Variants in HCN1 observed in about 807,000 individuals in gnomAD.
HCN1 encodes the protein hyperpolarization activated cyclic nucleotide gated potassium channel 1, also known as potassium/sodium hyperpolarization-activated cyclic nucleotide-gated channel 1.
Under a neutral mutation model 78.9 loss-of-function variants are expected in HCN1, and 13 were observed. The observed-to-expected ratio is 0.16, with a 90% CI of 0.11 to 0.26. HCN1 has a LOEUF of 0.26. Ranked by LOEUF, HCN1 falls within the 10% of genes least tolerant of loss-of-function variation. The pLI is 1.00. For synonymous variants in HCN1, 552 were observed against 455.5 expected, an observed-to-expected ratio of 1.21 and a Z score of -2.70; for missense variants, 810 against 1,154.3, an observed-to-expected ratio of 0.70 and a Z score of 4.32.
At chr5:45,556,702 G>A (rs1162102465) in intron 2 of HCN1, among the ~76,000 whole-genome samples, 2 of 151,820 alleles carry the variant, frequency 1.3e-5, no homozygotes, top group Non-Finnish European at 2.9e-5. Context: ...TGCTTTCAAA[G>A]GTTCATTCTC....
At chr5:45,393,557 G>C (rs1265543700) in intron 4 of HCN1, among the ~76,000 whole-genome samples, 2 of 152,154 alleles carry the variant, frequency 1.3e-5, no homozygotes, top group African/African-American at 4.8e-5. Flanking sequence ...TTGGACATTA[G>C]TAACTTAAAA....
At chr5:45,413,888 G>T (rs1740069416) in intron 3 of HCN1, among the ~76,000 whole-genome samples, 1 of 151,630 alleles carries the variant, frequency 6.6e-6, no homozygotes, top group African/African-American at 2.4e-5. Context: ...CTTTTTTTAG[G>T]AAACTAAATG....
chr5:45,262,846 T>C, intron 7 of HCN1, 36 bp from the exon 8 acceptor site: 2 of 1,610,002 alleles, frequency 1.2e-6, no homozygotes, highest in Admixed American at 1.7e-5. Context: ...TTAGAAAGCC[T>C]ACCAATGACT....
rs372929458 is a variant in HCN1, at chr5:45,520,420, T to A, written c.850-58413A>T. On this transcript the variant is annotated intron_variant, in intron 2 of 7. Coordinates refer to ENST00000303230, the MANE Select transcript of HCN1 (RefSeq NM_021072.4). ...TAGTAATTGGTTTGTATTTAACTTA[T>A]GGACACTGATTTATGCAACTTGTCT... Among the ~76,000 whole-genome samples the A allele has an allele frequency of 7.9e-5, 12 of 152,148 alleles. No homozygotes were observed. The East Asian group carries it at 2.3e-3, about 29-fold the overall frequency.
chr5:45,303,867 TAA>T, intron 5 of HCN1, 28 bp from the exon 6 acceptor site: 2 of 1,589,104 alleles, frequency 1.3e-6, no homozygotes, highest in South Asian at 1.1e-5. Flanking sequence ...AAACAAATAT[TAA>T]GAGAGATATT....
At chr5:45,444,305 T>A (rs1740740429) in intron 3 of HCN1, among the ~76,000 whole-genome samples, 1 of 152,180 alleles carries the variant, frequency 6.6e-6, no homozygotes, top group Non-Finnish European at 1.5e-5. Flanking sequence ...TTTGAAAGCA[T>A]CATTTCAGAA....
rs1741956566 is a variant in HCN1, at chr5:45,493,848, G to C, written c.850-31841C>G. 2.0e-5 allele frequency among the ~76,000 whole-genome samples: 3 copies of C among 150,562 alleles called. No individual in the cohort carries two copies. In the South Asian group the frequency reaches 6.3e-4, roughly 32 times the overall value. On this transcript the variant is annotated intron_variant, in intron 2 of 7. Transcript: ENST00000303230. ...TCCCACCTATGAGTGAGAATATGCG[G>C]TGTTTGGTTTTTTGTTCTTGCGATA...
At chr5:45,626,995 A>G (rs894091802) in intron 2 of HCN1, among the ~76,000 whole-genome samples, 2 of 151,324 alleles carry the variant, frequency 1.3e-5, no homozygotes, top group African/African-American at 4.9e-5. Context: ...TATAACATGT[A>G]TATATATATA....
At chr5:45,368,488 A>G (rs1747279920) in intron 4 of HCN1, among the ~76,000 whole-genome samples, 1 of 152,050 alleles carries the variant, frequency 6.6e-6, no homozygotes, top group Non-Finnish European at 1.5e-5. Context: ...TTTCTCTTCT[A>G]TATCAACATT....
At chr5:45,377,737 T>A (rs1033918911) in intron 4 of HCN1, among the ~76,000 whole-genome samples, 1 of 152,018 alleles carries the variant, frequency 6.6e-6, no homozygotes, top group African/African-American at 2.4e-5. Flanking sequence ...AGAAGTCAGG[T>A]AGGTATGTGA....
rs1744729332 is a variant in HCN1, at chr5:45,261,127, A to C, written c.*794T>G. 1 of 152,688 alleles carries C rather than the reference A, an allele frequency of 6.5e-6. No homozygotes were observed. The highest frequency in any genetic ancestry group is 2.4e-5 in the African/African-American group (1 of 41,476). The allele number at this position is 152,688 out of a possible 1,614,324, so 9.5% of individuals were successfully genotyped here. ...AAAACTCTAAGTTTTGAAGTGAAGC[A>C]ATAAAACTAAATTCTTAAACAATGA... On this transcript the variant is annotated 3_prime_UTR_variant, in exon 8 of 8. Coordinates refer to ENST00000303230, the MANE Select transcript of HCN1 (RefSeq NM_021072.4).
At chr5:45,285,132 T>C (rs1368019222) in intron 6 of HCN1, among the ~76,000 whole-genome samples, 1 of 151,994 alleles carries the variant, frequency 6.6e-6, no homozygotes, top group East Asian at 1.9e-4. Flanking sequence ...ATAATTTTTT[T>C]CTTTAAAACA....
At chr5:45,584,786 T>C (rs1188917592) in intron 2 of HCN1, among the ~76,000 whole-genome samples, 1 of 152,218 alleles carries the variant, frequency 6.6e-6, no homozygotes, top group East Asian at 1.9e-4. Context: ...CCTTCACTTA[T>C]GAAGCTTAGT....
intron 2 of HCN1, among the ~76,000 whole-genome samples, chr5:45,500,218 C>T (rs1293406818): frequency 6.6e-6 from 1 of 151,986 alleles, no homozygotes; most frequent in African/African-American, 2.4e-5. Context: ...CTAGCTAAGA[C>T]AGGTAGCCTA....
chr5:45,637,499 T>C (rs1387478058), intron 2 of HCN1, among the ~76,000 whole-genome samples: 1 of 151,418 alleles, frequency 6.6e-6, no homozygotes, highest in African/African-American at 2.4e-5. Context: ...GAATCTAATA[T>C]GTAATTGTAA....
At chr5:45,645,134 TA>T (rs1745525070) in intron 2 of HCN1, 50 bp downstream of exon 2, 1 of 1,362,352 alleles carries the variant, frequency 7.3e-7, no homozygotes, top group African/African-American at 1.4e-5. Context: ...AAAACAGCCA[TA>T]ATTAACAATT....
chr5:45,486,801 A>C (rs921800364), intron 2 of HCN1, among the ~76,000 whole-genome samples: 4 of 152,100 alleles, frequency 2.6e-5, no homozygotes, highest in African/African-American at 9.7e-5. Context: ...GAATACACCT[A>C]AGTCTATGTA....
intron 2 of HCN1, among the ~76,000 whole-genome samples, chr5:45,549,933 C>A (rs932237082): frequency 2.6e-5 from 4 of 152,122 alleles, no homozygotes; most frequent in Non-Finnish European, 5.9e-5. Context: ...AAATGCAAAT[C>A]GAAACCACAG....
chr5:45,476,950 A>C, intron 2 of HCN1, among the ~76,000 whole-genome samples: 1 of 152,296 alleles, frequency 6.6e-6, no homozygotes, highest in East Asian at 1.9e-4. Flanking sequence ...ATAATAATTT[A>C]AATAAATCTG....
Sources: gnomAD v4.1 joint callset for allele counts (sites outside exome capture counted in the v4.1 genomes callset) on GRCh38, gnomAD v4.1.1 for gene constraint, MANE v1.5 for transcripts, NCBI Gene and HGNC (gene_info 2026-07-23, HGNC 2026-07-21) for gene names.